The following JADE2 variants were observed in gnomAD, a reference collection of about 807,000 sequenced individuals.
JADE2 encodes the protein E3 ubiquitin-protein ligase Jade-2.
In JADE2, 13 loss-of-function variants were observed where a neutral mutation model predicts 85.7. The ratio of observed to expected loss-of-function variants is 0.15; its 90% CI spans 0.10 to 0.24. The LOEUF is 0.24. Ranked by LOEUF, JADE2 falls within the 10% of genes least tolerant of loss-of-function variation. The probability of loss-of-function intolerance (pLI) is 1.00; values close to 1 mark genes in which losing one functional copy is unlikely to be tolerated. For synonymous variants in JADE2, 440 were observed against 456.1 expected, an observed-to-expected ratio of 0.96 and a Z score of 0.45; for missense variants, 846 against 1,115.9, an observed-to-expected ratio of 0.76 and a Z score of 3.45.
chr5:134,543,609 G>A (rs922671809), intron 3 of JADE2, among the ~76,000 whole-genome samples: 3 of 152,244 alleles, frequency 2.0e-5, no homozygotes, highest in East Asian at 1.9e-4. Flanking sequence ...CCCAGGAGGC[G>A]GAGGTTGCAG....
At chr5:134,528,136 A>G (rs1223970761) in intron 1 of JADE2, among the ~76,000 whole-genome samples, 3 of 152,006 alleles carry the variant, frequency 2.0e-5, no homozygotes, top group African/African-American at 7.3e-5. Context: ...ACGCCCCCTT[A>G]GCATTTATGT....
chr5:134,553,868 C>T (rs1033744164), intron 4 of JADE2, among the ~76,000 whole-genome samples: 1 of 152,232 alleles, frequency 6.6e-6, no homozygotes, highest in Non-Finnish European at 1.5e-5. Context: ...CAGGAGGAGG[C>T]CACATGGCCC....
At chr5:134,525,609 CACCCCA>C (rs1269839205), upstream of JADE2, 1 of 427,138 alleles carries the variant, frequency 2.3e-6, no homozygotes, top group Non-Finnish European at 3.9e-6. Flanking sequence ...ACCCCACCCC[CACCCCA>C]ACACATTTTT....
intron 3 of JADE2, among the ~76,000 whole-genome samples, chr5:134,548,603 A>T (rs1762431755): frequency 6.6e-6 from 1 of 152,188 alleles, no homozygotes; most frequent in Non-Finnish European, 1.5e-5. Flanking sequence ...TGCATGACCC[A>T]GGATGAAACG....
chr5:134,557,283 T>A (rs1444448619), intron 4 of JADE2, among the ~76,000 whole-genome samples: 1 of 149,076 alleles, frequency 6.7e-6, no homozygotes. Flanking sequence ...TTTTTTTATT[T>A]TTTTTTTTTT....
intron 4 of JADE2, among the ~76,000 whole-genome samples, chr5:134,553,750 T>C (rs960998505): frequency 5.9e-5 from 9 of 152,224 alleles, no homozygotes; most frequent in Non-Finnish European, 1.2e-4. Context: ...CCATTGCTAT[T>C]ACCGGCCTCT....
In JADE2 at chr5:134,583,044, G is replaced by C. The variant is rs1764783177; in HGVS notation, c.*3727G>C. On this transcript the variant is annotated 3_prime_UTR_variant, in exon 12 of 12. Transcript: ENST00000681547. Reference sequence around the variant, plus strand: ...ATAGAATGTATGGTCACCTGGGTGTGGCCAGTGCCCGCTGTGCCCTGCATG... The same window carrying C: ...ATAGAATGTATGGTCACCTGGGTGTCGCCAGTGCCCGCTGTGCCCTGCATG... The C allele has an allele frequency of 6.6e-6, 1 of 152,668 alleles. No homozygotes were observed. Among genetic ancestry groups the C allele is most frequent in the Non-Finnish European group, 1.5e-5 (1 of 68,062 alleles). The allele number at this position is 152,668 out of a possible 1,614,324, so 9.5% of individuals were successfully genotyped here. A position where few individuals can be genotyped will look rare whatever the true frequency, so the allele number is the denominator to read the frequency against.
intron 9 of JADE2, among the ~76,000 whole-genome samples, chr5:134,570,824 C>T (rs1307531074): frequency 1.3e-5 from 2 of 152,192 alleles, no homozygotes; most frequent in East Asian, 3.9e-4. Flanking sequence ...ACCTCAGGCT[C>T]CACTGTCTTT....
Position 134,562,033 on chromosome 5 carries a change from C to CT in JADE2, c.685-165dup, listed in dbSNP as rs1763354137. On this transcript the variant is annotated intron_variant, in intron 6 of 11. Transcript: ENST00000681547. This position sits in a 1 kb window ranked among gnomAD's most constrained non-coding sequence, Gnocchi z 4.6. ...GGCCAAGGAGGGCTTTCCAGGAGCCCTTCCTTCCTTCCTTGCATTGTAACT... is the reference window on the plus strand; with the variant it reads ...GGCCAAGGAGGGCTTTCCAGGAGCCCTTTCCTTCCTTCCTTGCATTGTAACT... 1.3e-5 allele frequency among the ~76,000 whole-genome samples: 2 copies of CT among 152,096 alleles called. No individual in the cohort carries two copies. Among genetic ancestry groups the CT allele is most frequent in the South Asian group, 4.2e-4 (2 of 4,818 alleles).
intron 3 of JADE2, among the ~76,000 whole-genome samples, chr5:134,546,873 C>T (rs1366602741): frequency 1.3e-5 from 2 of 152,230 alleles, no homozygotes; most frequent in East Asian, 3.9e-4. Flanking sequence ...CTTGGTGCCT[C>T]TTAGTTTGAA....
At chr5:134,554,949 A>T (rs1762822398) in intron 4 of JADE2, among the ~76,000 whole-genome samples, 2 of 152,148 alleles carry the variant, frequency 1.3e-5, no homozygotes, top group African/African-American at 4.8e-5. Flanking sequence ...TCCCCATTTT[A>T]TAGATGAGGA....
chr5:134,525,449 G>A (rs374581889), upstream of JADE2, among the ~76,000 whole-genome samples: 24 of 151,878 alleles, frequency 1.6e-4, no homozygotes, highest in East Asian at 1.6e-3. Context: ...CTTCCCCCAC[G>A]GGGCCCGCAA....
intron 10 of JADE2, chr5:134,574,580 G>A (rs749068912): frequency 6.6e-6 from 1 of 152,436 alleles, no homozygotes; most frequent in Non-Finnish European, 1.5e-5. Flanking sequence ...TGGAGCAAAT[G>A]ACTGAGGACC....
In JADE2 at chr5:134,581,997, G is replaced by A. The variant is rs557672742; in HGVS notation, c.*2680G>A. The A allele has an allele frequency of 6.6e-6, 1 of 152,298 alleles. No individual in the cohort carries two copies. Among genetic ancestry groups the A allele is most frequent in the Admixed American group, 6.5e-5 (1 of 15,284 alleles). The allele number at this position is 152,298 out of a possible 1,614,324, so 9.4% of individuals were successfully genotyped here. On this transcript the variant is annotated 3_prime_UTR_variant, in exon 12 of 12. Coordinates refer to ENST00000681547, the MANE Select transcript of JADE2 (RefSeq NM_001388185.1). ...CTTTGCTGTCCCTGAGACTGAGGCA[G>A]GTTCCTTTTCCAGGTCAGAGGTGGA...
At chr5:134,538,254 T>C (rs962633534) in intron 3 of JADE2, among the ~76,000 whole-genome samples, 171 bp downstream of exon 3, 2 of 152,120 alleles carry the variant, frequency 1.3e-5, no homozygotes, top group Non-Finnish European at 2.9e-5. Flanking sequence ...TTCCAGGTTG[T>C]TGTGAAGATG....
chr5:134,544,158 C>G (rs574350313), intron 3 of JADE2, among the ~76,000 whole-genome samples: 4 of 152,348 alleles, frequency 2.6e-5, no homozygotes, highest in South Asian at 4.1e-4. Flanking sequence ...GTCAGAGTCC[C>G]CAGAAGTCAG....
In JADE2 at chr5:134,525,756, A is replaced by T. The variant is rs566375132; in HGVS notation, c.-256A>T. 4 of 1,200,558 alleles carry T rather than the reference A, an allele frequency of 3.3e-6. No homozygotes were observed. The highest frequency in any genetic ancestry group is 4.2e-6 in the Non-Finnish European group (4 of 951,078). The allele number at this position is 1,200,558 out of a possible 1,614,324, so 74.4% of individuals were successfully genotyped here. A position where few individuals can be genotyped will look rare whatever the true frequency, so the allele number is the denominator to read the frequency against. On this transcript the variant is annotated 5_prime_UTR_variant, in exon 1 of 12. It removes an upstream start codon present in the reference 5' UTR. Coordinates refer to ENST00000681547, the MANE Select transcript of JADE2 (RefSeq NM_001388185.1). ...TTTTTGGGGGGGGTGAGTAGCGTCC[A>T]TGGAGTTACTTTGCGCCCACTCCTA...
chr5:134,556,750 TACC>T (rs1281054850), intron 4 of JADE2, among the ~76,000 whole-genome samples: 2 of 86,968 alleles, frequency 2.3e-5, no homozygotes, highest in East Asian at 7.5e-4. Flanking sequence ...ACCCCACACA[TACC>T]ACATGCACAC....
intron 4 of JADE2, among the ~76,000 whole-genome samples, chr5:134,553,554 A>G (rs1029199311): frequency 5.3e-5 from 8 of 151,874 alleles, no homozygotes; most frequent in African/African-American, 1.9e-4. Context: ...GGGTTTCCCC[A>G]TGTTAGCCAG....
Sources: gnomAD v4.1 joint callset for allele counts (sites outside exome capture counted in the v4.1 genomes callset) on GRCh38, gnomAD v4.1.1 for gene constraint, Gnocchi (gnomAD v3.1) non-coding constraint, MANE v1.5 for transcripts, NCBI Gene and HGNC (gene_info 2026-07-23, HGNC 2026-07-21) for gene names.